GPC4: variants seen among roughly 807,000 people sequenced by gnomAD.
The protein encoded by GPC4 is glypican-4.
In GPC4, 10 loss-of-function variants were observed where a neutral mutation model predicts 35.0. The ratio of observed to expected loss-of-function variants is 0.29; its 90% CI spans 0.18 to 0.48. GPC4 has a LOEUF of 0.48. Ranked by LOEUF, GPC4 falls within the 20% of genes least tolerant of loss-of-function variation. The probability of loss-of-function intolerance (pLI) is 0.99; values close to 1 mark genes in which losing one functional copy is unlikely to be tolerated. For synonymous variants in GPC4, 167 were observed against 170.2 expected (o/e 0.98, Z 0.15); for missense variants, 322 against 451.3 (o/e 0.71, Z 2.60).
intron 2 of GPC4, among the ~76,000 whole-genome samples, chrX:133,336,239 A>C (rs2068442942): frequency 8.9e-6 from 1 of 111,930 alleles, no homozygotes; most frequent in Admixed American, 9.5e-5. Context: ...CAGCCTTAAA[A>C]ATTAGTCAAT....
At chrX:133,327,895 G>A (rs1248019379) in intron 2 of GPC4, among the ~76,000 whole-genome samples, 2 of 111,028 alleles carry the variant, frequency 1.8e-5, no homozygotes, top group East Asian at 5.6e-4. Flanking sequence ...ATAATAATGA[G>A]TTAAAACGTC....
In GPC4 at chrX:133,302,795, C is replaced by T; in HGVS notation, c.*72G>A. On this transcript the variant is annotated 3_prime_UTR_variant, in exon 9 of 9. Coordinates refer to ENST00000370828, the MANE Select transcript of GPC4 (RefSeq NM_001448.3). ...TCCATTCATTTAAAAAGCAAAGTCA[C>T]TAGGATGGTAGAAAAGTGATAACTG... 1 of 1,024,718 alleles carries T rather than the reference C, an allele frequency of 9.8e-7. No homozygotes were observed. The highest frequency in any genetic ancestry group is 2.1e-5 in the South Asian group (1 of 48,475). 84.4% of individuals were successfully genotyped at this position (1,024,718 alleles called of 1,213,427 possible). A position where few individuals can be genotyped will look rare whatever the true frequency, so the allele number is the denominator to read the frequency against.
intron 1 of GPC4, among the ~76,000 whole-genome samples, chrX:133,343,703 AAAAAC>A (rs1569347123): frequency 9.0e-6 from 1 of 111,620 alleles, no homozygotes. Context: ...CTCTGGCATT[AAAAAC>A]AAAACAAAAA....
intron 1 of GPC4, among the ~76,000 whole-genome samples, chrX:133,352,227 T>C (rs948676190): frequency 9.8e-5 from 11 of 112,019 alleles, no homozygotes; most frequent in African/African-American, 2.9e-4. Flanking sequence ...AGATGTGCCA[T>C]AGGAGGTGCC....
At chrX:133,331,384 T>C (rs1045704351) in intron 2 of GPC4, among the ~76,000 whole-genome samples, 6 of 111,925 alleles carry the variant, frequency 5.4e-5, no homozygotes, top group African/African-American at 2.0e-4. Flanking sequence ...AAGTGTTCCA[T>C]GTACTAACCT....
chrX:133,321,849 T>C (rs1285633955), intron 3 of GPC4, among the ~76,000 whole-genome samples: 2 of 111,642 alleles, frequency 1.8e-5, no homozygotes, highest in African/African-American at 6.5e-5. Flanking sequence ...CAATAAATAT[T>C]TGCAATTTAC....
At chrX:133,371,400 G>A (rs1172348077) in intron 1 of GPC4, among the ~76,000 whole-genome samples, 1 of 111,764 alleles carries the variant, frequency 8.9e-6, no homozygotes, top group Non-Finnish European at 1.9e-5. Context: ...GAATTCTGGT[G>A]TTCATTATTT....
intron 1 of GPC4, among the ~76,000 whole-genome samples, chrX:133,405,190 C>A (rs1340782378): frequency 9.5e-6 from 1 of 105,096 alleles, no homozygotes; most frequent in Non-Finnish European, 1.9e-5. Flanking sequence ...CTCACTGCAA[C>A]CTCCACCTCC....
chrX:133,334,851 T>C (rs1179491742), intron 2 of GPC4, among the ~76,000 whole-genome samples: 1 of 112,252 alleles, frequency 8.9e-6, no homozygotes, highest in African/African-American at 3.2e-5. Flanking sequence ...ATGCAGAATA[T>C]CTACAGTTTG....
intron 1 of GPC4, among the ~76,000 whole-genome samples, chrX:133,362,515 G>C (rs1013720917): frequency 3.6e-5 from 4 of 111,712 alleles, no homozygotes; most frequent in African/African-American, 1.3e-4. Flanking sequence ...TTTATAAATG[G>C]ACATGTGTGT....
chrX:133,334,499 A>G (rs1196898622), intron 2 of GPC4, among the ~76,000 whole-genome samples: 1 of 111,855 alleles, frequency 8.9e-6, no homozygotes, highest in Non-Finnish European at 1.9e-5. Flanking sequence ...GATAGAGGGA[A>G]AATAGAGGGT....
intron 3 of GPC4, among the ~76,000 whole-genome samples, chrX:133,314,810 C>G (rs980229589): frequency 9.0e-6 from 1 of 111,061 alleles, no homozygotes; most frequent in African/African-American, 3.3e-5. Flanking sequence ...AAAACAGTCA[C>G]GAGACCTAAA....
intron 1 of GPC4, among the ~76,000 whole-genome samples, chrX:133,342,032 ATTT>A (rs975355748): frequency 0.017 from 1,213 of 72,837 alleles, 23 homozygotes; most frequent in African/African-American, 0.06. Flanking sequence ...TTTTGGCACT[ATTT>A]TTTTTTTTTT....
intron 1 of GPC4, among the ~76,000 whole-genome samples, chrX:133,374,562 G>A (rs1409894119): frequency 8.9e-6 from 1 of 111,762 alleles, no homozygotes; most frequent in Non-Finnish European, 1.9e-5. Context: ...ATGTAGAGAG[G>A]AAACAAGACC....
chrX:133,359,759 G>A (rs1217268099), intron 1 of GPC4, among the ~76,000 whole-genome samples: 2 of 111,199 alleles, frequency 1.8e-5, no homozygotes, highest in Non-Finnish European at 3.8e-5. Flanking sequence ...AACAAACCAG[G>A]AGTAGATAAA....
In GPC4 at chrX:133,300,309, G is replaced by A. The variant is rs971757003; in HGVS notation, c.*2558C>T. ...ATCTAAGAGTTGTAAAATCTTTAAGGTACAGAGTAGGTGATGTGTTTTAAA... is the reference window on the plus strand; with the variant it reads ...ATCTAAGAGTTGTAAAATCTTTAAGATACAGAGTAGGTGATGTGTTTTAAA... On this transcript the variant is annotated 3_prime_UTR_variant, in exon 9 of 9. Coordinates refer to ENST00000370828, the MANE Select transcript of GPC4 (RefSeq NM_001448.3). 4 of 112,214 alleles carry A rather than the reference G, an allele frequency of 3.6e-5. No individual in the cohort carries two copies. The highest frequency in any genetic ancestry group is 1.3e-4 in the African/African-American group (4 of 30,929). The allele number at this position is 112,214 out of a possible 1,213,427, so 9.2% of individuals were successfully genotyped here.
chrX:133,392,274 C>T lies in GPC4; in HGVS notation c.160+22532G>A, dbSNP rs777959752. On this transcript the variant is annotated intron_variant, in intron 1 of 8. Transcript: ENST00000370828. Reference sequence around the variant, plus strand: ...TATTAACGTACAATAAAGAGAGGCACTATCTTATATCTAGTAGCCAGTCAA... The same window carrying T: ...TATTAACGTACAATAAAGAGAGGCATTATCTTATATCTAGTAGCCAGTCAA... Among the ~76,000 whole-genome samples, 84 of 100,643 alleles carry T rather than the reference C, an allele frequency of 8.3e-4. 1 individual carries two copies. The highest frequency in any genetic ancestry group is 2.9e-3 in the African/African-American group (79 of 27,343). 87.4% of individuals were successfully genotyped at this position (100,643 alleles called of 115,157 possible).
chrX:133,305,757 T>C lies in GPC4; in HGVS notation c.1155+15A>G, dbSNP rs1197559221. On this transcript the variant is annotated intron_variant, in intron 6 of 8. Coordinates refer to ENST00000370828, the MANE Select transcript of GPC4 (RefSeq NM_001448.3). ...CTTTGTCATTAAACACGGCCCTTCC[T>C]GCCAAAACGCTCACCAGTCGGTCCA... 1.7e-6 allele frequency: 2 copies of C among 1,207,120 alleles called. No individual in the cohort carries two copies. The highest frequency in any genetic ancestry group is 2.2e-6 in the Non-Finnish European group (2 of 894,536).
intron 3 of GPC4, among the ~76,000 whole-genome samples, chrX:133,314,668 A>G (rs1477365629): frequency 1.8e-5 from 2 of 111,703 alleles, no homozygotes; most frequent in Non-Finnish European, 3.8e-5. Flanking sequence ...CAAAGTTAGG[A>G]AAAAAAATCT....
Sources: gnomAD v4.1 joint callset for allele counts (sites outside exome capture counted in the v4.1 genomes callset) on GRCh38, gnomAD v4.1.1 for gene constraint, MANE v1.5 for transcripts, NCBI Gene and HGNC (gene_info 2026-07-23, HGNC 2026-07-21) for gene names.